The following NLRP14 variants were observed in gnomAD, a reference collection of about 807,000 sequenced individuals.
NLRP14 encodes the protein NACHT, LRR and PYD domains-containing protein 14.
A neutral mutation model predicts 94.7 loss-of-function variants in NLRP14; 105 were observed. The ratio of observed to expected loss-of-function variants is 1.11; its 90% CI spans 0.95 to 1.30. NLRP14 has a LOEUF of 1.30. Among genes scored for constraint, NLRP14 ranks in the 50% most tolerant of loss-of-function variants. The pLI is 0.00. For synonymous variants in NLRP14, 508 were observed against 459.9 expected (o/e 1.10, Z -1.34); for missense variants, 1,362 against 1,254.1 (o/e 1.09, Z -1.30).
chr11:7,051,919 C>T (rs1444364327), intron 6 of NLRP14, among the ~76,000 whole-genome samples: 1 of 152,184 alleles, frequency 6.6e-6, no homozygotes, highest in African/African-American at 2.4e-5. Flanking sequence ...TCGCACCTGG[C>T]CCATAATCAC....
chr11:7,088,186 A>G, the NLRP14 span, among the ~76,000 whole-genome samples: 9 of 152,234 alleles, frequency 5.9e-5, no homozygotes, highest in Admixed American at 3.9e-4. Flanking sequence ...TAATTACACC[A>G]TATTAGGTCA....
intron 1 of NLRP14, 93 bp from the exon 2 acceptor site, chr11:7,038,473 A>G: frequency 3.8e-6 from 4 of 1,062,402 alleles, no homozygotes; most frequent in Non-Finnish European, 5.8e-6. Flanking sequence ...TGTTTGTTAA[A>G]TTAATCTATA....
chr11:7,060,105 CAG>C lies in NLRP14; in HGVS notation c.2804+44_2804+45del, dbSNP rs766507485. 11 of 1,534,978 alleles carry C rather than the reference CAG, an allele frequency of 7.2e-6. No homozygotes were observed. In the African/African-American group the frequency reaches 9.5e-5, roughly 13 times the overall value. On this transcript the variant is annotated intron_variant, in intron 9 of 11. Transcript: ENST00000299481. ...CTTTACTTTTGTGTAGTTTCAACAA[CAG>C]AGTGTCTGGGGAGATACTGAAAGAA...
rs534916391 is a variant in NLRP14, at chr11:7,044,904, T to TA, written c.1958+921dup. On this transcript the variant is annotated intron_variant, in intron 4 of 11. Coordinates refer to ENST00000299481, the MANE Select transcript of NLRP14 (RefSeq NM_176822.4). Reference sequence around the variant, plus strand: ...AATAATAGTTAAGTGGCTAAGTGCTTATCACATAACCTGACAGTCTTCTAA... The same window carrying TA: ...AATAATAGTTAAGTGGCTAAGTGCTTAATCACATAACCTGACAGTCTTCTAA... Among the ~76,000 whole-genome samples, 17 of 152,342 alleles carry TA rather than the reference T, an allele frequency of 1.1e-4. No homozygotes were observed. The East Asian group carries it at 3.3e-3, about 29-fold the overall frequency.
chr11:7,036,149 G>A (rs1852156895), intron 1 of NLRP14, among the ~76,000 whole-genome samples: 1 of 152,080 alleles, frequency 6.6e-6, no homozygotes, highest in Non-Finnish European at 1.5e-5. Flanking sequence ...CTTTGTTATA[G>A]GCAAAAATTT....
chr11:7,051,607 A>G (rs1852441974), intron 6 of NLRP14, among the ~76,000 whole-genome samples: 1 of 152,086 alleles, frequency 6.6e-6, no homozygotes, highest in African/African-American at 2.4e-5. Context: ...AAGGATACAT[A>G]ATCACTAATT....
chr11:7,078,211 G>C, the NLRP14 span, among the ~76,000 whole-genome samples: 1 of 150,436 alleles, frequency 6.6e-6, no homozygotes, highest in Non-Finnish European at 1.5e-5. Context: ...GGCCAAGACG[G>C]GTGGATCACG....
chr11:7,039,522 T>C (rs1015921791), intron 2 of NLRP14, among the ~76,000 whole-genome samples, 192 bp from the exon 3 acceptor site: 1 of 152,112 alleles, frequency 6.6e-6, no homozygotes, highest in African/African-American at 2.4e-5. Context: ...CCTACTTCAG[T>C]GTTATCTGTA....
chr11:7,079,637 A>T, the NLRP14 span, among the ~76,000 whole-genome samples: 5 of 152,248 alleles, frequency 3.3e-5, no homozygotes, highest in African/African-American at 1.2e-4. Flanking sequence ...TGTGTTGGAA[A>T]CAAATGCTTG....
In NLRP14 at chr11:7,058,424, T is replaced by G. The variant is rs770734027; in HGVS notation, c.2607T>G (p.His869Gln). 18 of 1,612,416 alleles carry G rather than the reference T, an allele frequency of 1.1e-5. No individual in the cohort carries two copies. The highest frequency in any genetic ancestry group is 1.4e-5 in the Non-Finnish European group (17 of 1,178,754). The change falls in exon 8 of 12, where the codon CAT (histidine) becomes CAG (glutamine). Residue 869 changes from histidine (H) to glutamine (Q), a missense_variant. Physicochemically the swap from His to Gln is conservative, Grantham distance 24 (BLOSUM62 0). Coordinates refer to ENST00000299481, the MANE Select transcript of NLRP14 (RefSeq NM_176822.4). ...GVKLMSDALQ[H>Q]AQCTLKSLVL... ...AGCTTATGAGTGATGCCCTGCAACA[T>G]GCACAATGTACTCTGAAGAGCCTTG...
chr11:7,047,193 A>G (rs78820892), intron 5 of NLRP14, among the ~76,000 whole-genome samples: 2,165 of 152,328 alleles, frequency 0.014, 58 homozygotes, highest in African/African-American at 0.05. Context: ...TGCATTTAAC[A>G]AAGTCCACAA....
At chr11:7,046,384 C>G (rs115918862) in intron 4 of NLRP14, among the ~76,000 whole-genome samples, 3 of 152,116 alleles carry the variant, frequency 2.0e-5, no homozygotes, top group East Asian at 1.9e-4. Flanking sequence ...GAATACTTCT[C>G]TCTTATCCCT....
chr11:7,089,554 C>G, the NLRP14 span: 28 of 1,199,758 alleles, frequency 2.3e-5, no homozygotes, highest in South Asian at 3.2e-5. Flanking sequence ...TCCAGGGCCC[C>G]GATGCCCATG....
intron 8 of NLRP14, 88 bp downstream of exon 8, chr11:7,058,538 C>T: frequency 2.9e-6 from 3 of 1,028,946 alleles, no homozygotes; most frequent in Non-Finnish European, 4.4e-6. Flanking sequence ...CACATTCTGT[C>T]CCTTGCTTTT....
chr11:7,026,177 C>A (rs1194512811), intron 1 of NLRP14, among the ~76,000 whole-genome samples: 1 of 152,252 alleles, frequency 6.6e-6, no homozygotes, highest in African/African-American at 2.4e-5. Flanking sequence ...AACTGAAGAG[C>A]TTCTGCACAG....
intron 10 of NLRP14, among the ~76,000 whole-genome samples, chr11:7,064,493 G>C (rs1852675424): frequency 6.6e-6 from 1 of 151,148 alleles, no homozygotes; most frequent in Admixed American, 6.6e-5. Context: ...ACACCTCCAG[G>C]TTCTAAAGTG....
intron 1 of NLRP14, among the ~76,000 whole-genome samples, chr11:7,031,927 T>G (rs1852104019): frequency 6.6e-6 from 1 of 152,218 alleles, no homozygotes; most frequent in South Asian, 2.1e-4. Flanking sequence ...GGTCATCCTC[T>G]CTAGCCTATA....
chr11:7,056,908 C>G (rs1273092705), intron 6 of NLRP14, among the ~76,000 whole-genome samples: 1 of 151,994 alleles, frequency 6.6e-6, no homozygotes, highest in Non-Finnish European at 1.5e-5. Flanking sequence ...TAATTCTGGG[C>G]TTAGGAGGAA....
the NLRP14 span, chr11:7,089,836 C>T: frequency 6.2e-7 from 1 of 1,611,040 alleles, no homozygotes. Flanking sequence ...GGAGAGTACA[C>T]CCACCGCGAT....
Sources: allele counts gnomAD v4.1 joint callset (sites outside exome capture counted in the v4.1 genomes callset), GRCh38; gene constraint gnomAD v4.1.1; transcripts MANE v1.5; gene names NCBI Gene and HGNC (gene_info 2026-07-23, HGNC 2026-07-21).